The following SLC26A7 variants were observed in gnomAD, a reference collection of about 807,000 sequenced individuals.
The protein encoded by SLC26A7 is solute carrier family 26 member 7, also known as anion exchange transporter.
SLC26A7 carries 59 observed loss-of-function variants against 82.5 expected under a neutral mutation model. The ratio of observed to expected loss-of-function variants is 0.72; its 90% CI spans 0.58 to 0.89. The LOEUF is 0.89. Ranked by LOEUF, SLC26A7 falls within the 40% of genes least tolerant of loss-of-function variation. The probability of loss-of-function intolerance (pLI) is 0.00; values close to 1 mark genes in which losing one functional copy is unlikely to be tolerated. For missense variants in SLC26A7, 820 were observed against 793.0 expected (o/e 1.03, Z -0.41); for synonymous variants, 271 against 274.3 (o/e 0.99, Z 0.12).
Position 91,264,433 on chromosome 8 carries a change from AG to A in SLC26A7, c.193+14591del, listed in dbSNP as rs566585229. 3.4e-4 allele frequency among the ~76,000 whole-genome samples: 52 copies of A among 152,194 alleles called. 1 individual carries two copies. In the East Asian group the frequency reaches 9.7e-3, roughly 28 times the overall value. On this transcript the variant is annotated intron_variant, in intron 2 of 18. Transcript: ENST00000276609. ...CCAGCCTGACACTTCAAAACAAAATAGGAACTTCATGGGAACCTGCAGAATA... is the reference window on the plus strand; with the variant it reads ...CCAGCCTGACACTTCAAAACAAAATAGAACTTCATGGGAACCTGCAGAATA...
intron 2 of SLC26A7, among the ~76,000 whole-genome samples, chr8:91,287,387 A>G (rs1217594313): frequency 6.6e-6 from 1 of 152,188 alleles, no homozygotes; most frequent in Non-Finnish European, 1.5e-5. Flanking sequence ...TATTCACGCT[A>G]TTCATATGGT....
rs552901836 is a variant in SLC26A7 at position 91,328,923 on chromosome 8, T to C, written c.643-5372T>C. ...CATTTTATATCATTATAATAAATGG[T>C]AAATTTAAACAACCAATATTACAGT... is the stretch of plus-strand genomic sequence containing the variant. On this transcript the variant is annotated intron_variant, in intron 5 of 18. Coordinates refer to ENST00000276609, the MANE Select transcript of SLC26A7 (RefSeq NM_052832.4). Among the ~76,000 whole-genome samples the C allele has an allele frequency of 3.3e-5, 5 of 152,240 alleles. No homozygotes were observed. The South Asian group carries it at 1.0e-3, about 32-fold the overall frequency.
intron 15 of SLC26A7, among the ~76,000 whole-genome samples, chr8:91,376,974 C>G (rs971440676): frequency 1.3e-5 from 2 of 152,224 alleles, no homozygotes; most frequent in South Asian, 4.1e-4. Context: ...GGATGAAGCC[C>G]TCTGTCCACT....
intron 2 of SLC26A7, among the ~76,000 whole-genome samples, chr8:91,284,838 G>T (rs895408224): frequency 7.9e-5 from 12 of 152,184 alleles, no homozygotes; most frequent in African/African-American, 2.7e-4. Context: ...GAAGTACAAA[G>T]GTTGTAATAT....
At chr8:91,225,799 T>C (rs1357777705) in intron 2 of SLC26A7, among the ~76,000 whole-genome samples, 1 of 151,902 alleles carries the variant, frequency 6.6e-6, no homozygotes, top group Non-Finnish European at 1.5e-5. Flanking sequence ...ACTTCTCCTT[T>C]CTACTCCTGT....
At chr8:91,373,875 G>T (rs918385444) in intron 15 of SLC26A7, among the ~76,000 whole-genome samples, 2 of 151,626 alleles carry the variant, frequency 1.3e-5, no homozygotes, top group Non-Finnish European at 3.0e-5. Flanking sequence ...TTGGTTGGTA[G>T]TTTTTTTTAT....
intron 14 of SLC26A7, among the ~76,000 whole-genome samples, chr8:91,368,422 T>TTG (rs1291276182): frequency 2.6e-5 from 4 of 151,334 alleles, no homozygotes; most frequent in African/African-American, 7.3e-5. Flanking sequence ...GGTTTTTTTT[T>TTG]TTGTTTTTTT....
rs769277057 is a variant in SLC26A7, at chr8:91,366,714, C to A, written c.1623C>A (p.Ser541Arg). Residue 541 changes from serine (S) to arginine (R), a missense_variant, in exon 14 of 19, where the codon AGC becomes AGA. Physicochemically the swap from Ser to Arg is moderately radical, Grantham distance 110. Transcript: ENST00000276609. ...GTAATCAGCCACTTGATGATATCAGCAAGGTAGGATCAATGGTTTGATTAG... is the reference window on the plus strand; with the variant it reads ...GTAATCAGCCACTTGATGATATCAGAAAGGTAGGATCAATGGTTTGATTAG... ...NACNQPLDDI[S>R]KCEQNTLLNS... is the part of the protein sequence containing the mutation. 2 of 1,611,112 alleles carry A rather than the reference C, an allele frequency of 1.2e-6. No homozygotes were observed. Among genetic ancestry groups the A allele is most frequent in the South Asian group, 1.1e-5 (1 of 90,570 alleles).
chr8:91,309,786 G>T (rs375377490), intron 4 of SLC26A7, among the ~76,000 whole-genome samples: 8 of 152,164 alleles, frequency 5.3e-5, no homozygotes, highest in African/African-American at 1.9e-4. Flanking sequence ...GGAGTCTTGC[G>T]TTCCCTCTCC....
At chr8:91,351,172 T>C (rs1283221031) in intron 9 of SLC26A7, among the ~76,000 whole-genome samples, 1 of 152,112 alleles carries the variant, frequency 6.6e-6, no homozygotes, top group African/African-American at 2.4e-5. Context: ...AAGTGGAACA[T>C]GACTATAGGA....
intron 4 of SLC26A7, 133 bp downstream of exon 4, chr8:91,295,836 A>G: frequency 1.3e-6 from 1 of 773,638 alleles, no homozygotes; most frequent in Non-Finnish European, 2.0e-6. Context: ...TTTTATCATT[A>G]TGGAAATGCT....
At chr8:91,223,038 C>T (rs879147797) in intron 2 of SLC26A7, among the ~76,000 whole-genome samples, 8 of 152,012 alleles carry the variant, frequency 5.3e-5, no homozygotes, top group African/African-American at 9.7e-5. Context: ...TTCAGGGATT[C>T]GACTTCTTTC....
chr8:91,397,748 G>A lies in SLC26A7; in HGVS notation c.*2651G>A, dbSNP rs1027061281. The A allele has an allele frequency of 1.3e-5, 2 of 152,528 alleles. No homozygotes were observed. The highest frequency in any genetic ancestry group is 6.5e-5 in the Admixed American group (1 of 15,268). The allele number at this position is 152,528 out of a possible 1,614,324, so 9.4% of individuals were successfully genotyped here. ...GATCTCTATTCTATAAATGTGTAAT[G>A]TGATGAAGAAAGAGATCTTTCTTTT... is the stretch of plus-strand genomic sequence containing the variant. On this transcript the variant is annotated 3_prime_UTR_variant, in exon 19 of 19. Coordinates refer to ENST00000276609, the MANE Select transcript of SLC26A7 (RefSeq NM_052832.4).
At chr8:91,373,327 C>T (rs971532624) in intron 15 of SLC26A7, among the ~76,000 whole-genome samples, 2 of 151,794 alleles carry the variant, frequency 1.3e-5, no homozygotes, top group African/African-American at 4.8e-5. Flanking sequence ...TACTGTCAGT[C>T]TTTGCCATTC....
At position 91,210,568 on chromosome 8, in the gene SLC26A7, C is replaced by G. The variant is rs757485165; in HGVS notation, c.-150+1026C>G. On this transcript the variant is annotated intron_variant, in intron 1 of 5. Coordinates refer to the SLC26A7 transcript ENST00000522862. The stretch of plus-strand genomic sequence containing the variant: ...ACAGACACACACACACACAGACACA[C>G]ACACACACACACACACACACACACA... Among the ~76,000 whole-genome samples, 349 of 42,930 alleles carry G rather than the reference C, an allele frequency of 8.1e-3. 4 individuals carry two copies. The highest frequency in any genetic ancestry group is 0.019 in the Non-Finnish European group (250 of 13,330). The allele number at this position is 42,930 out of a possible 152,430, so 28.2% of individuals were successfully genotyped here. A position where few individuals can be genotyped will look rare whatever the true frequency, so the allele number is the denominator to read the frequency against.
chr8:91,367,804 C>T (rs1814238411), intron 14 of SLC26A7, among the ~76,000 whole-genome samples: 1 of 152,144 alleles, frequency 6.6e-6, no homozygotes, highest in Non-Finnish European at 1.5e-5. Context: ...AGGATCTCTT[C>T]TTTTTCTTGT....
chr8:91,247,750 A>C (rs1463690581), upstream of SLC26A7, among the ~76,000 whole-genome samples: 4 of 152,098 alleles, frequency 2.6e-5, no homozygotes, highest in Non-Finnish European at 5.9e-5. Flanking sequence ...TTTGTTATGG[A>C]ATTTAACACA....
chr8:91,373,646 T>C (rs1422339327), intron 15 of SLC26A7, among the ~76,000 whole-genome samples: 1 of 152,076 alleles, frequency 6.6e-6, no homozygotes, highest in African/African-American at 2.4e-5. Flanking sequence ...TTGAAAATTT[T>C]TGTGTCTTTG....
intron 15 of SLC26A7, among the ~76,000 whole-genome samples, chr8:91,383,245 G>C (rs190064298): frequency 5.9e-5 from 9 of 152,178 alleles, no homozygotes; most frequent in Non-Finnish European, 1.2e-4. Flanking sequence ...GTTGGAGTAA[G>C]GGAGAGAACA....
Sources: gnomAD v4.1 joint callset for allele counts (sites outside exome capture counted in the v4.1 genomes callset) on GRCh38, gnomAD v4.1.1 for gene constraint, MANE v1.5 for transcripts, NCBI Gene and HGNC (gene_info 2026-07-23, HGNC 2026-07-21) for gene names.